Variants in TBL1X observed in about 807,000 individuals in gnomAD.
The protein encoded by TBL1X is transducin beta like 1 X-linked.
TBL1X carries 10 observed loss-of-function variants against 50.7 expected under a neutral mutation model. That is an observed-to-expected ratio of 0.20 (90% confidence interval 0.12 to 0.33). The LOEUF is 0.33. TBL1X is among the 10% of genes least tolerant of loss of function. The probability of loss-of-function intolerance (pLI) is 1.00; values close to 1 mark genes in which losing one functional copy is unlikely to be tolerated. For missense variants in TBL1X, 340 were observed against 504.4 expected (o/e 0.67, Z 3.12); for synonymous variants, 190 against 214.7 (o/e 0.88, Z 1.01).
chrX:9,533,684 T>C (rs150989886), intron 2 of TBL1X, among the ~76,000 whole-genome samples: 34 of 110,908 alleles, frequency 3.1e-4, no homozygotes, highest in African/African-American at 1.0e-3. Flanking sequence ...ATGGTGGGTA[T>C]TCGTGCAGTG....
At chrX:9,580,145 G>T (rs763903369) in intron 2 of TBL1X, among the ~76,000 whole-genome samples, 1 of 111,979 alleles carries the variant, frequency 8.9e-6, no homozygotes, top group South Asian at 3.8e-4. Context: ...ATTTTAGGGA[G>T]AACACAGCTT....
chrX:9,531,857 C>T (rs2082163717), intron 2 of TBL1X, among the ~76,000 whole-genome samples: 1 of 110,845 alleles, frequency 9.0e-6, no homozygotes, highest in Non-Finnish European at 1.9e-5. Context: ...CTCAGTCCCC[C>T]TAGTAGCTGG....
intron 1 of TBL1X, among the ~76,000 whole-genome samples, chrX:9,491,113 G>A (rs2081939079): frequency 9.4e-6 from 1 of 106,666 alleles, no homozygotes; most frequent in Non-Finnish European, 1.9e-5. Flanking sequence ...TGAGTAGCTT[G>A]GGACTATAGG....
At chrX:9,622,102 T>G (rs1321385192) in intron 2 of TBL1X, among the ~76,000 whole-genome samples, 1 of 111,287 alleles carries the variant, frequency 9.0e-6, no homozygotes, top group African/African-American at 3.3e-5. Flanking sequence ...TTTTTTTTTT[T>G]CTTTAACCAA....
intron 2 of TBL1X, among the ~76,000 whole-genome samples, chrX:9,552,056 G>A (rs191570617): frequency 1.9e-3 from 213 of 112,308 alleles, no homozygotes; most frequent in African/African-American, 6.5e-3. Context: ...CGGGTTCATC[G>A]CTGTGCAGTG....
intron 2 of TBL1X, among the ~76,000 whole-genome samples, chrX:9,574,122 G>T (rs1228329927): frequency 9.0e-6 from 1 of 111,019 alleles, no homozygotes; most frequent in Non-Finnish European, 1.9e-5. Context: ...GCTGGAAAGT[G>T]CCTGGACCTC....
chrX:9,716,516 A>G lies in TBL1X; in HGVS notation c.*270A>G, dbSNP rs2083279567. 1 of 268,303 alleles carries G rather than the reference A, an allele frequency of 3.7e-6. No individual in the cohort carries two copies. The highest frequency in any genetic ancestry group is 6.7e-5 in the East Asian group (1 of 14,933). The allele number at this position is 268,303 out of a possible 1,213,427, so 22.1% of individuals were successfully genotyped here. On this transcript the variant is annotated 3_prime_UTR_variant, in exon 18 of 18. Coordinates refer to ENST00000645353, the MANE Select transcript of TBL1X (RefSeq NM_005647.4). ...TCAGCCTGGGAAGGAGGAAGTCACC[A>G]GCTCGAGGCGTGTGGATTGGTTTCC...
intron 1 of TBL1X, among the ~76,000 whole-genome samples, chrX:9,466,194 G>C (rs901637543): frequency 8.9e-6 from 1 of 112,481 alleles, no homozygotes; most frequent in Non-Finnish European, 1.9e-5. Context: ...GGTGGGTCTC[G>C]CAGATCCTGG....
Position 9,715,000 on chromosome X carries a change from C to T in TBL1X, c.1704C>T (p.Gly568=), listed in dbSNP as rs2083269768. The T allele has an allele frequency of 1.7e-6, 2 of 1,207,693 alleles. No homozygotes were observed. Among genetic ancestry groups the T allele is most frequent in the East Asian group, 3.0e-5 (1 of 33,696 alleles). The part of the protein sequence containing the change: ...GDKVGASASD[G]SVCVLDLRK ...AAGTGGGTGCCAGCGCGTCCGACGG[C>T]TCTGTAAGCAACACCTCTGGTTTGC... The change falls in exon 17 of 18, where the codon GGC becomes GGT. Residue 568 remains glycine (G), a synonymous_variant. Transcript: ENST00000645353.
intron 2 of TBL1X, among the ~76,000 whole-genome samples, chrX:9,517,645 C>T (rs2082087144): frequency 8.9e-6 from 1 of 111,981 alleles, no homozygotes; most frequent in Admixed American, 9.5e-5. Context: ...ATTTTAAAGC[C>T]GTGTGCTTTT....
chrX:9,688,468 T>G (rs368597440), intron 7 of TBL1X, among the ~76,000 whole-genome samples, 193 bp downstream of exon 7: 4 of 112,459 alleles, frequency 3.6e-5, no homozygotes, highest in East Asian at 2.8e-4. Flanking sequence ...GACCTGAGCT[T>G]CTTCACCCTC....
At chrX:9,662,928 G>T (rs1039444291) in intron 5 of TBL1X, among the ~76,000 whole-genome samples, 1 of 112,118 alleles carries the variant, frequency 8.9e-6, no homozygotes, top group African/African-American at 3.2e-5. Context: ...TTGCATTCCA[G>T]CCTGGACAAA....
At chrX:9,497,139 T>C (rs760896791) in intron 1 of TBL1X, among the ~76,000 whole-genome samples, 3 of 111,514 alleles carry the variant, frequency 2.7e-5, no homozygotes, top group Non-Finnish European at 5.6e-5. Flanking sequence ...CCTGGCACAG[T>C]GGCTCACGCC....
At chrX:9,515,124 GA>G (rs767954512) in intron 2 of TBL1X, among the ~76,000 whole-genome samples, 3 of 111,689 alleles carry the variant, frequency 2.7e-5, no homozygotes, top group Admixed American at 9.5e-5. Context: ...ATGGAGGGGG[GA>G]AAAATAACAC....
At chrX:9,630,299 A>T (rs766574989) in intron 2 of TBL1X, among the ~76,000 whole-genome samples, 7 of 112,116 alleles carry the variant, frequency 6.2e-5, no homozygotes, top group African/African-American at 1.9e-4. Flanking sequence ...TATCTTCCAC[A>T]GATTCCCTAA....
chrX:9,653,034 G>A (rs181317219), intron 3 of TBL1X, among the ~76,000 whole-genome samples: 8 of 111,030 alleles, frequency 7.2e-5, no homozygotes, highest in East Asian at 5.7e-4. Flanking sequence ...GCGTATTGGC[G>A]GGCGCCTGTA....
chrX:9,716,222 G>A lies in TBL1X; in HGVS notation c.1710G>A (p.Val570=). The change falls in exon 18 of 18, where the codon GTG becomes GTA. Residue 570 remains valine, a splice_region_variant and synonymous_variant. Coordinates refer to ENST00000645353, the MANE Select transcript of TBL1X (RefSeq NM_005647.4). The part of the protein sequence containing the change: ...KVGASASDGS[V]CVLDLRK ...AGGTGCTTTATCTTTCCTTCCAGGT[G>A]TGTGTTTTGGATCTGCGGAAGTAAC... 8.3e-7 allele frequency: 1 copy of A among 1,210,632 alleles called. No homozygotes were observed. Among genetic ancestry groups the A allele is most frequent in the Non-Finnish European group, 1.1e-6 (1 of 894,662 alleles).
Position 9,688,160 on chromosome X carries a change from G to A in TBL1X, c.501G>A (p.Ala167=), listed in dbSNP as rs779486671. The change falls in exon 7 of 18, where the codon GCG becomes GCA. Residue 167 remains alanine, a synonymous_variant. Coordinates refer to ENST00000645353, the MANE Select transcript of TBL1X (RefSeq NM_005647.4). ...QQASAAAAAA[A]ATAAATAATT... ...CCAGTGCGGCGGCGGCGGCGGCTGCGGCCACGGCAGCAGCGACAGCAGCCA... is the reference window on the plus strand; with the variant it reads ...CCAGTGCGGCGGCGGCGGCGGCTGCAGCCACGGCAGCAGCGACAGCAGCCA... 11 of 1,197,661 alleles carry A rather than the reference G, an allele frequency of 9.2e-6. No homozygotes were observed. The highest frequency in any genetic ancestry group is 3.0e-5 in the East Asian group (1 of 33,001).
intron 15 of TBL1X, among the ~76,000 whole-genome samples, chrX:9,710,098 TC>T (rs2083235865): frequency 9.4e-6 from 1 of 106,160 alleles, no homozygotes; most frequent in Non-Finnish European, 1.9e-5. Flanking sequence ...GTGCCTGTAG[TC>T]CCAGCTACTC....
Sources: gnomAD v4.1 joint callset for allele counts (sites outside exome capture counted in the v4.1 genomes callset) on GRCh38, gnomAD v4.1.1 for gene constraint, MANE v1.5 for transcripts, NCBI Gene and HGNC (gene_info 2026-07-23, HGNC 2026-07-21) for gene names.